The following RELN variants were observed in gnomAD, a reference collection of about 807,000 sequenced individuals.
RELN encodes reelin.
Under a neutral mutation model 427.6 loss-of-function variants are expected in RELN, and 108 were observed. The ratio of observed to expected loss-of-function variants is 0.25; its 90% confidence interval spans 0.22 to 0.30. The LOEUF (loss-of-function observed/expected upper bound fraction) is 0.30. Ranked by LOEUF, RELN falls within the 10% of genes least tolerant of loss-of-function variation. The probability of loss-of-function intolerance (pLI) is 1.00; values close to 1 mark genes in which losing one functional copy is unlikely to be tolerated. For missense variants in RELN, 3,715 were observed against 4,302.8 expected (o/e 0.86, Z 3.82); for synonymous variants, 1,524 against 1,513.4 (o/e 1.01, Z -0.16).
At chr7:103,899,397 A>G (rs769589774) in intron 2 of RELN, among the ~76,000 whole-genome samples, 1 of 152,174 alleles carries the variant, frequency 6.6e-6, no homozygotes, top group Non-Finnish European at 1.5e-5. Flanking sequence ...TTCTGAAACT[A>G]TGCCGAACAT....
intron 31 of RELN, among the ~76,000 whole-genome samples, chr7:103,570,337 A>AT (rs1421776889): frequency 6.6e-6 from 1 of 152,128 alleles, no homozygotes; most frequent in African/African-American, 2.4e-5. Context: ...TGGATTTGTA[A>AT]TTTTCAGAAG....
At chr7:103,632,887 G>T (rs1044303197) in intron 19 of RELN, among the ~76,000 whole-genome samples, 217 of 151,940 alleles carry the variant, frequency 1.4e-3, no homozygotes, top group African/African-American at 4.9e-3. Context: ...TAATAATCAA[G>T]ACATAAAAAT....
intron 2 of RELN, among the ~76,000 whole-genome samples, chr7:103,835,954 C>CTTTTTTTTTTTTTTTTTTTT (rs10569884): frequency 1.1e-4 from 15 of 142,436 alleles, no homozygotes; most frequent in African/African-American, 3.9e-4. Flanking sequence ...CTCAATTACC[C>CTTTTTTTTTTTTTTTTTTTT]TTTTTTTTTT....
intron 1 of RELN, among the ~76,000 whole-genome samples, chr7:103,944,114 G>A (rs1040336282): frequency 6.6e-6 from 1 of 152,032 alleles, no homozygotes; most frequent in Non-Finnish European, 1.5e-5. Flanking sequence ...CTTACTTACT[G>A]CAGGCGAATG....
intron 20 of RELN, chr7:103,628,073 T>C (rs1832367454): frequency 6.6e-6 from 1 of 152,234 alleles, no homozygotes; most frequent in Non-Finnish European, 1.5e-5. Flanking sequence ...AACTCTTCTA[T>C]ACAAACTTGA....
At chr7:103,643,285 T>C (rs1291376506) in intron 16 of RELN, among the ~76,000 whole-genome samples, 1 of 152,086 alleles carries the variant, frequency 6.6e-6, no homozygotes, top group Non-Finnish European at 1.5e-5. Flanking sequence ...TTTCTCCCTT[T>C]CTACTTACTT....
chr7:103,717,414 T>A (rs1476564737), intron 8 of RELN, among the ~76,000 whole-genome samples: 2 of 151,342 alleles, frequency 1.3e-5, no homozygotes, highest in African/African-American at 4.8e-5. Flanking sequence ...ATACCCTGCA[T>A]CATAATCAGT....
chr7:103,805,311 A>T (rs1213483661), intron 3 of RELN, among the ~76,000 whole-genome samples: 2 of 152,220 alleles, frequency 1.3e-5, no homozygotes, highest in Non-Finnish European at 1.5e-5. Context: ...CATGTAGAGA[A>T]TTAAAATCTA....
intron 57 of RELN, among the ~76,000 whole-genome samples, chr7:103,492,757 T>G (rs754101773): frequency 2.0e-5 from 3 of 152,164 alleles, no homozygotes; most frequent in Non-Finnish European, 2.9e-5. Context: ...AAGGAGATAG[T>G]ATTTGATTCA....
Position 103,589,735 on chromosome 7 carries a change from C to G in RELN, c.4006G>C (p.Glu1336Gln), listed in dbSNP as rs758828226. 5.6e-6 allele frequency: 9 copies of G among 1,613,764 alleles called. No individual in the cohort carries two copies. In the East Asian group the frequency reaches 1.6e-4, roughly 28 times the overall value. The part of the protein sequence containing the change: ...DAGMSWFLVK[E>Q]GCYPASAGKG... The stretch of plus-strand genomic sequence containing the variant: ...CCTGCAGAAGCCGGGTAACAGCCTT[C>G]TTTCACCAGAAACCAGGACATACCA... The change falls in exon 28 of 65, where the codon GAA becomes CAA. Residue 1336 changes from glutamate (E) to glutamine (Q), a missense_variant. Transcript: ENST00000428762.
At chr7:103,695,293 T>C (rs1833954551) in intron 10 of RELN, among the ~76,000 whole-genome samples, 1 of 152,128 alleles carries the variant, frequency 6.6e-6, no homozygotes, top group African/African-American at 2.4e-5. Flanking sequence ...TTCTTAGATA[T>C]TATGAATGCA....
At chr7:103,503,285 T>C (rs1283337971) in intron 51 of RELN, 55 bp from the exon 52 acceptor site, 1 of 1,535,652 alleles carries the variant, frequency 6.5e-7, no homozygotes, top group Admixed American at 1.7e-5. Flanking sequence ...ATGATTCTTC[T>C]CCAAGGACTT....
At position 103,851,502 on chromosome 7, in the gene RELN, CA is replaced by C. The variant is rs1390611005; in HGVS notation, c.338-17831del. 3.3e-5 allele frequency among the ~76,000 whole-genome samples: 5 copies of C among 152,088 alleles called. No individual in the cohort carries two copies. In the East Asian group the frequency reaches 5.8e-4, roughly 18 times the overall value. On this transcript the variant is annotated intron_variant, in intron 2 of 64. Coordinates refer to ENST00000428762, the MANE Select transcript of RELN (RefSeq NM_005045.4). ...TTATGGAAAAATAAATAAATCCCCC[CA>C]AAACAGAAAAACAATTTACGTTATA...
chr7:103,662,513 T>A (rs1584386908), intron 11 of RELN, among the ~76,000 whole-genome samples: 1 of 151,096 alleles, frequency 6.6e-6, no homozygotes, highest in Non-Finnish European at 1.5e-5. Context: ...TCCCAGCTAC[T>A]CGGGAGGCTG....
rs1017395659 is a variant in RELN, at chr7:103,573,665, G to C, written c.4511+427C>G. On this transcript the variant is annotated intron_variant, in intron 30 of 64. Coordinates refer to ENST00000428762, the MANE Select transcript of RELN (RefSeq NM_005045.4). The surrounding 1 kb of genome is among the most constrained non-coding windows in gnomAD (Gnocchi z 4.4). ...TATTTTACCAGTAGGTGTCAGTGTA[G>C]GCATTTAAAATTTCTGGGGACCATT... Among the ~76,000 whole-genome samples the C allele has an allele frequency of 5.3e-5, 8 of 152,122 alleles. No individual in the cohort carries two copies. The highest frequency in any genetic ancestry group is 1.2e-4 in the Non-Finnish European group (8 of 68,020).
chr7:103,554,239 A>G (rs575252510), intron 38 of RELN, among the ~76,000 whole-genome samples: 37 of 88,682 alleles, frequency 4.2e-4, no homozygotes, highest in South Asian at 2.9e-3. Context: ...TTTCTGGGGG[A>G]AAAAAAAAAC....
At chr7:103,964,116 G>A (rs916640053) in intron 1 of RELN, among the ~76,000 whole-genome samples, 5 of 152,022 alleles carry the variant, frequency 3.3e-5, no homozygotes, top group African/African-American at 1.2e-4. Context: ...CTATAACTGC[G>A]ACATTGCACT....
intron 1 of RELN, among the ~76,000 whole-genome samples, chr7:103,980,583 C>T (rs1191335533): frequency 2.0e-5 from 3 of 152,174 alleles, no homozygotes; most frequent in African/African-American, 4.8e-5. Context: ...GAGAACTACA[C>T]AGCAGCTTTG....
chr7:103,936,110 T>TTTTTTTTA (rs1584382225), intron 1 of RELN, among the ~76,000 whole-genome samples: 2 of 151,140 alleles, frequency 1.3e-5, no homozygotes, highest in Non-Finnish European at 2.9e-5. Context: ...TTTTTTTTTT[T>TTTTTTTTA]GAGACAGAGT....
Sources: gnomAD v4.1 joint callset for allele counts (sites outside exome capture counted in the v4.1 genomes callset) on GRCh38, gnomAD v4.1.1 for gene constraint, Gnocchi (gnomAD v3.1) non-coding constraint, MANE v1.5 for transcripts, NCBI Gene and HGNC (gene_info 2026-07-23, HGNC 2026-07-21) for gene names.